The following XRCC4 variants were observed in gnomAD, a reference collection of about 807,000 sequenced individuals.
XRCC4 encodes DNA repair protein XRCC4.
In XRCC4, 28 loss-of-function variants were observed where a neutral mutation model predicts 39.1. That is an observed-to-expected ratio of 0.72 (90% CI 0.53 to 0.98). XRCC4 has a LOEUF of 0.98. XRCC4 is among the 50% of genes least tolerant of loss of function. The pLI, the probability that XRCC4 is intolerant of heterozygous loss-of-function variation, is 0.00. For missense variants in XRCC4, 350 were observed against 376.4 expected (o/e 0.93, Z 0.58); for synonymous variants, 123 against 126.4 (o/e 0.97, Z 0.18).
intron 6 of XRCC4, among the ~76,000 whole-genome samples, chr5:83,254,027 C>T (rs958278915): frequency 2.4e-4 from 37 of 151,494 alleles, no homozygotes; most frequent in African/African-American, 8.2e-4. Context: ...ATTCATCCCA[C>T]GGCCATACCA....
rs984254227 is a variant in XRCC4 at position 83,218,248 on chromosome 5, A to G, written c.745+13327A>G. Among the ~76,000 whole-genome samples, 4 of 119,116 alleles carry G rather than the reference A, an allele frequency of 3.4e-5. No individual in the cohort carries two copies. In the South Asian group the frequency reaches 1.2e-3, roughly 35 times the overall value. The allele number at this position is 119,116 out of a possible 152,430, so 78.1% of individuals were successfully genotyped here. On this transcript the variant is annotated intron_variant, in intron 6 of 7. Transcript: ENST00000396027. ...CCCACCCCACAACTTCTCAGTCTTT[A>G]ATATGCTAATTAATATGCATGGTGA...
intron 3 of XRCC4, among the ~76,000 whole-genome samples, chr5:83,154,572 G>A (rs1019165140): frequency 2.0e-5 from 3 of 152,096 alleles, no homozygotes; most frequent in Non-Finnish European, 4.4e-5. Flanking sequence ...CCAAAATGTA[G>A]ACAATTATTA....
chr5:83,285,523 T>A (rs1580465906), intron 7 of XRCC4, among the ~76,000 whole-genome samples: 1 of 152,168 alleles, frequency 6.6e-6, no homozygotes, highest in East Asian at 1.9e-4. Context: ...CATTACACTG[T>A]CTTTGGAATC....
At chr5:83,246,717 AT>A (rs1455100120) in intron 6 of XRCC4, among the ~76,000 whole-genome samples, 1 of 152,178 alleles carries the variant, frequency 6.6e-6, no homozygotes, top group African/African-American at 2.4e-5. Context: ...GTCTTTTCTC[AT>A]TTTTTTCCAT....
At chr5:83,143,974 T>C (rs1259881868) in intron 3 of XRCC4, among the ~76,000 whole-genome samples, 1 of 151,992 alleles carries the variant, frequency 6.6e-6, no homozygotes, top group Non-Finnish European at 1.5e-5. Context: ...TATATATTGG[T>C]GAAGTCTGAG....
intron 7 of XRCC4, among the ~76,000 whole-genome samples, chr5:83,334,151 T>C (rs1238162574): frequency 1.3e-5 from 2 of 152,214 alleles, no homozygotes; most frequent in Non-Finnish European, 2.9e-5. Context: ...TGTATCTATG[T>C]TGTACTTTAA....
chr5:83,293,589 T>G (rs1225298940), intron 7 of XRCC4, among the ~76,000 whole-genome samples: 1 of 152,032 alleles, frequency 6.6e-6, no homozygotes, highest in African/African-American at 2.4e-5. Flanking sequence ...TCTTTGAGCT[T>G]GTAGGCTGCT....
At chr5:83,330,076 C>T (rs371800522) in intron 7 of XRCC4, among the ~76,000 whole-genome samples, 5 of 152,034 alleles carry the variant, frequency 3.3e-5, no homozygotes, top group African/African-American at 7.2e-5. Context: ...TCAAATAATA[C>T]TCTTCCCATA....
At chr5:83,132,069 A>G (rs1349078074) in intron 3 of XRCC4, among the ~76,000 whole-genome samples, 4 of 152,088 alleles carry the variant, frequency 2.6e-5, no homozygotes, top group African/African-American at 9.7e-5. Flanking sequence ...CTTATAAGGC[A>G]TGTCTGGTGG....
intron 3 of XRCC4, among the ~76,000 whole-genome samples, chr5:83,138,366 G>A (rs1286823406): frequency 6.6e-6 from 1 of 151,944 alleles, no homozygotes; most frequent in African/African-American, 2.4e-5. Context: ...TAATAAATTG[G>A]GAGTGGCTTG....
intron 3 of XRCC4, among the ~76,000 whole-genome samples, chr5:83,125,395 T>G (rs1187435558): frequency 3.9e-5 from 6 of 152,246 alleles, no homozygotes; most frequent in African/African-American, 1.2e-4. Context: ...TGGTTTCTTT[T>G]AAAGGTTTTG....
chr5:83,368,995 A>C, the XRCC4 span, among the ~76,000 whole-genome samples: 3 of 152,206 alleles, frequency 2.0e-5, no homozygotes, highest in African/African-American at 4.8e-5. Context: ...TTGTCTCTCT[A>C]ATAGCACAGC....
In XRCC4 at chr5:83,109,357, T is replaced by C. The variant is rs564943825; in HGVS notation, c.140-1671T>C. On this transcript the variant is annotated intron_variant, in intron 2 of 7. Transcript: ENST00000396027. ...AATCCCAGCTTCACTAGTTACTTAC[T>C]TCATCACCCTAGACCATTACTTGAT... Among the ~76,000 whole-genome samples the C allele has an allele frequency of 1.1e-4, 17 of 152,072 alleles. No homozygotes were observed. The South Asian group carries it at 3.5e-3, about 32-fold the overall frequency.
At chr5:83,253,901 GTTC>G (rs994996582) in intron 6 of XRCC4, among the ~76,000 whole-genome samples, 8 of 152,042 alleles carry the variant, frequency 5.3e-5, no homozygotes, top group Non-Finnish European at 8.8e-5. Context: ...AGATCCTGCA[GTTC>G]TTCTGTCAGA....
intron 7 of XRCC4, among the ~76,000 whole-genome samples, chr5:83,350,293 G>A (rs975120366): frequency 6.6e-6 from 1 of 152,194 alleles, no homozygotes; most frequent in Admixed American, 6.5e-5. Context: ...TAACGGGATT[G>A]CTGGATTGGA....
At chr5:83,166,107 G>A (rs553252451) in intron 3 of XRCC4, among the ~76,000 whole-genome samples, 1 of 151,970 alleles carries the variant, frequency 6.6e-6, no homozygotes, top group Non-Finnish European at 1.5e-5. Flanking sequence ...GGCTGGTCTT[G>A]AACTCCTGAC....
chr5:83,107,382 G>T (rs1000894154), intron 2 of XRCC4, among the ~76,000 whole-genome samples: 2 of 150,312 alleles, frequency 1.3e-5, no homozygotes, highest in African/African-American at 4.9e-5. Flanking sequence ...ACCTCATCCT[G>T]TTTTTTTTTG....
intron 3 of XRCC4, among the ~76,000 whole-genome samples, chr5:83,157,447 G>A (rs1224853018): frequency 2.0e-5 from 3 of 152,046 alleles, no homozygotes; most frequent in Non-Finnish European, 4.4e-5. Flanking sequence ...GGCAAGGCTT[G>A]CCAGGCATTT....
At chr5:83,315,845 C>T (rs1197456473) in intron 7 of XRCC4, among the ~76,000 whole-genome samples, 1 of 152,116 alleles carries the variant, frequency 6.6e-6, no homozygotes, top group East Asian at 1.9e-4. Flanking sequence ...TTCATGCCTG[C>T]TAACACAACA....
Sources: gnomAD v4.1 joint callset for allele counts (sites outside exome capture counted in the v4.1 genomes callset) on GRCh38, gnomAD v4.1.1 for gene constraint, MANE v1.5 for transcripts, NCBI Gene and HGNC (gene_info 2026-07-23, HGNC 2026-07-21) for gene names.